Variants in ROS1 observed in about 807,000 individuals in gnomAD.
The protein encoded by ROS1 is proto-oncogene tyrosine-protein kinase ROS.
ROS1 carries 263 observed loss-of-function variants against 273.5 expected under a neutral mutation model. The ratio of observed to expected loss-of-function variants is 0.96; its 90% CI spans 0.87 to 1.06. ROS1 has a LOEUF of 1.06. Ranked by LOEUF, ROS1 falls within the 50% of genes least tolerant of loss-of-function variation. The pLI is 0.00. For missense variants in ROS1, 2,833 were observed against 2,751.1 expected, an observed-to-expected ratio of 1.03 and a Z score of -0.67; for synonymous variants, 1,008 against 954.1, an observed-to-expected ratio of 1.06 and a Z score of -1.04.
chr6:117,289,204 A>G (rs1773648444), intron 43 of ROS1, among the ~76,000 whole-genome samples: 1 of 152,190 alleles, frequency 6.6e-6, no homozygotes, highest in Non-Finnish European at 1.5e-5. Flanking sequence ...GTACTTTTTT[A>G]TACTTCCACA....
rs564872631 is a variant in ROS1, at chr6:117,412,841, G to C, written c.255+1678C>G. On this transcript the variant is annotated intron_variant, in intron 4 of 43. Coordinates refer to ENST00000368507, the MANE Select transcript of ROS1 (RefSeq NM_001378902.1). ...TACAGATCTAATCCTGGGCTGCTTC[G>C]ATGCTTTAAAGGCTCTCTCTCCCTG... 2.5e-4 allele frequency among the ~76,000 whole-genome samples: 38 copies of C among 152,248 alleles called. No individual in the cohort carries two copies. The South Asian group carries it at 7.2e-3, about 29-fold the overall frequency.
chr6:117,332,713 C>T lies in ROS1; in HGVS notation c.5231-3267G>A, dbSNP rs1777174366. On this transcript the variant is annotated intron_variant, in intron 32 of 43. Transcript: ENST00000368507. ...AACTCACTCAAAACCACACAATTTC[C>T]TGGAAATTGAACAACTTGCTCCTGA... 2.6e-5 allele frequency among the ~76,000 whole-genome samples: 4 copies of T among 152,172 alleles called. No individual in the cohort carries two copies. In the South Asian group the frequency reaches 6.2e-4, roughly 24 times the overall value.
chr6:117,302,297 C>T (rs1389579534), intron 42 of ROS1, among the ~76,000 whole-genome samples: 1 of 152,100 alleles, frequency 6.6e-6, no homozygotes, highest in Non-Finnish European at 1.5e-5. Flanking sequence ...TTCAGGCCAT[C>T]CCCACTCCCT....
intron 43 of ROS1, among the ~76,000 whole-genome samples, chr6:117,300,064 A>G (rs955219093): frequency 7.7e-6 from 1 of 129,538 alleles, no homozygotes; most frequent in African/African-American, 2.9e-5. Flanking sequence ...CTGGAACTAC[A>G]GGCGCCCGCC....
rs186827380 is a variant in ROS1 at position 117,311,245 on chromosome 6, T to C, written c.6118-128A>G. ...TATGTATCTGATGTTTTAAAGGGATTTTTAGTTATGATTATAAGAATTCAA... is the reference window on the plus strand; with the variant it reads ...TATGTATCTGATGTTTTAAAGGGATCTTTAGTTATGATTATAAGAATTCAA... On this transcript the variant is annotated intron_variant, in intron 39 of 43. Coordinates refer to ENST00000368507, the MANE Select transcript of ROS1 (RefSeq NM_001378902.1). 4.9e-5 allele frequency: 23 copies of C among 472,784 alleles called. No homozygotes were observed. In the East Asian group the frequency reaches 7.9e-4, roughly 16 times the overall value. The allele number at this position is 472,784 out of a possible 1,614,324, so 29.3% of individuals were successfully genotyped here. A position where few individuals can be genotyped will look rare whatever the true frequency, so the allele number is the denominator to read the frequency against.
chr6:117,332,906 C>T (rs777981564), intron 32 of ROS1, among the ~76,000 whole-genome samples: 18 of 151,990 alleles, frequency 1.2e-4, no homozygotes, highest in Non-Finnish European at 1.8e-4. Flanking sequence ...GATCTCAAAT[C>T]GTCACCCTAA....
rs370129182 is a variant in ROS1, at chr6:117,365,621, C to A, written c.2918G>T (p.Gly973Val). 20 of 1,613,406 alleles carry A rather than the reference C, an allele frequency of 1.2e-5. No individual in the cohort carries two copies. Among genetic ancestry groups the A allele is most frequent in the African/African-American group, 9.3e-5 (7 of 75,000 alleles). Residue 973 changes from glycine (G) to valine (V), a missense_variant, in exon 20 of 44, where the codon GGT becomes GTT. Transcript: ENST00000368507. The stretch of plus-strand genomic sequence containing the variant: ...AAATTCTACACTGTAGAAAACTACA[C>A]CCCAGTCTACCGCAGGGGGACCATT... ...LWNGPPAVDWGVVFYSVEFSA... is the reference protein window; with the variant it reads ...LWNGPPAVDWVVVFYSVEFSA...
rs2128696952 is a variant in ROS1, at chr6:117,385,838, G to A, written c.2134C>T (p.Leu712Phe). Residue 712 changes from leucine (L) to phenylalanine (F), a missense_variant, in exon 16 of 44, where the codon CTC becomes TTC. Coordinates refer to ENST00000368507, the MANE Select transcript of ROS1 (RefSeq NM_001378902.1). Reference sequence around the variant, plus strand: ...TCGCCTTTCGTGTCACTGTAGTAGAGGCTGTTGTTATACCAATCCATGTCT... The same window carrying A: ...TCGCCTTTCGTGTCACTGTAGTAGAAGCTGTTGTTATACCAATCCATGTCT... ...VSDMDWYNNS[L>F]YYSDTKGDVF... 1 of 1,614,124 alleles carries A rather than the reference G, an allele frequency of 6.2e-7. No individual in the cohort carries two copies. The highest frequency in any genetic ancestry group is 8.5e-7 in the Non-Finnish European group (1 of 1,179,992).
At chr6:117,337,399 C>G (rs1416675155) in intron 31 of ROS1, 59 bp from the exon 32 acceptor site, 1 of 1,353,324 alleles carries the variant, frequency 7.4e-7, no homozygotes, top group Non-Finnish European at 1.0e-6. Flanking sequence ...TCTTAAAACA[C>G]AAAAATGTAT....
chr6:117,335,816 GCA>G (rs1398812025), intron 32 of ROS1, among the ~76,000 whole-genome samples: 1 of 152,060 alleles, frequency 6.6e-6, no homozygotes, highest in African/African-American at 2.4e-5. Context: ...GAGGGGAACA[GCA>G]CACACCAGGG....
At chr6:117,345,556 T>C (rs955856716) in intron 27 of ROS1, among the ~76,000 whole-genome samples, 1 of 152,344 alleles carries the variant, frequency 6.6e-6, no homozygotes, top group Admixed American at 6.5e-5. Flanking sequence ...GTATTTAGTA[T>C]GTGTTGTCGA....
Position 117,314,484 on chromosome 6 carries a change from C to T in ROS1, c.6117+2659G>A, listed in dbSNP as rs59934021. Among the ~76,000 whole-genome samples, 419 of 152,222 alleles carry T rather than the reference C, an allele frequency of 2.8e-3. 2 individuals carry two copies. Among genetic ancestry groups the T allele is most frequent in the African/African-American group, 9.6e-3 (397 of 41,550 alleles). On this transcript the variant is annotated intron_variant, in intron 39 of 43. Coordinates refer to ENST00000368507, the MANE Select transcript of ROS1 (RefSeq NM_001378902.1). The stretch of plus-strand genomic sequence containing the variant: ...GAAGAAGGACTGAAAGCAAAAAGAA[C>T]GTTTAGGTTATTTAAGGCCTAACTA...
At chr6:117,296,828 GATAAATGCTTGAGGGGT>G (rs1174934034) in intron 43 of ROS1, among the ~76,000 whole-genome samples, 2 of 152,070 alleles carry the variant, frequency 1.3e-5, no homozygotes, top group Admixed American at 6.5e-5. Flanking sequence ...TAACACAAAG[GATAAATGCTTGAGGGGT>G]GGATACTCCA....
At chr6:117,413,483 G>T (rs997324401) in intron 4 of ROS1, among the ~76,000 whole-genome samples, 22 of 151,992 alleles carry the variant, frequency 1.4e-4, no homozygotes, top group African/African-American at 5.3e-4. Context: ...TGAAATACAG[G>T]ACAGGTAAGT....
At position 117,304,543 on chromosome 6, in the gene ROS1, G is replaced by A. The variant is rs114179725; in HGVS notation, c.6552-3406C>T. On this transcript the variant is annotated intron_variant, in intron 42 of 43. Coordinates refer to ENST00000368507, the MANE Select transcript of ROS1 (RefSeq NM_001378902.1). ...TAACCATGGTCCAAAAATATTTAAA[G>A]GAAAATTCCAGAAATGAACAGTTCA... is the stretch of plus-strand genomic sequence containing the variant. Among the ~76,000 whole-genome samples the A allele has an allele frequency of 9.8e-3, 1,493 of 152,208 alleles. 23 individuals carry two copies. The highest frequency in any genetic ancestry group is 0.034 in the African/African-American group (1,416 of 41,534).
chr6:117,305,508 T>C (rs1775034464), intron 42 of ROS1, among the ~76,000 whole-genome samples: 1 of 152,162 alleles, frequency 6.6e-6, no homozygotes, highest in South Asian at 2.1e-4. Context: ...AATCCAATCA[T>C]TACTCTGTAC....
At chr6:117,413,583 G>A (rs9489152) in intron 4 of ROS1, among the ~76,000 whole-genome samples, 71,729 of 151,988 alleles carry the variant, frequency 0.47, 17,449 homozygotes, top group African/African-American at 0.58. Flanking sequence ...TTAGAGCACC[G>A]TAAGGACACC....
chr6:117,376,067 A>G (rs141088833), intron 18 of ROS1, among the ~76,000 whole-genome samples: 1 of 152,184 alleles, frequency 6.6e-6, no homozygotes, highest in East Asian at 1.9e-4. Context: ...AATGAAATAA[A>G]AAATGGACAA....
intron 17 of ROS1, among the ~76,000 whole-genome samples, chr6:117,382,479 A>G (rs9387471): frequency 0.051 from 7,699 of 152,248 alleles, 274 homozygotes; most frequent in East Asian, 0.12. Context: ...CTTAAGGGAT[A>G]TATTAGGTAG....
Sources: gnomAD v4.1 joint callset for allele counts (sites outside exome capture counted in the v4.1 genomes callset) on GRCh38, gnomAD v4.1.1 for gene constraint, MANE v1.5 for transcripts, NCBI Gene and HGNC (gene_info 2026-07-23, HGNC 2026-07-21) for gene names.